Variants in NF1 observed in about 807,000 individuals in gnomAD.
NF1 encodes neurofibromin 1, also known as neurofibromin.
Under a neutral mutation model 325.7 loss-of-function variants are expected in NF1, and 122 were observed. That is an observed-to-expected ratio of 0.37 (90% CI 0.32 to 0.44). NF1 has a LOEUF of 0.44. Ranked by LOEUF, NF1 falls within the 20% of genes least tolerant of loss-of-function variation. NF1 has a pLI of 1.00. For synonymous variants in NF1, 1,091 were observed against 1,186.0 expected (o/e 0.92, Z 1.65); for missense variants, 2,140 against 3,415.4 (o/e 0.63, Z 9.31).
In NF1 at chr17:31,336,297, G is replaced by A. The variant is rs2151553004; in HGVS notation, c.6007-36G>A. 1 of 1,606,526 alleles carries A rather than the reference G, an allele frequency of 6.2e-7. No homozygotes were observed. The highest frequency in any genetic ancestry group is 1.1e-5 in the South Asian group (1 of 90,716). ...TTTAATTAAAAATTAAATTGGTAGAGTGATTAAAAACATGTTATTTTCCTT... is the reference window on the plus strand; with the variant it reads ...TTTAATTAAAAATTAAATTGGTAGAATGATTAAAAACATGTTATTTTCCTT... On this transcript the variant is annotated intron_variant, in intron 40 of 57. Transcript: ENST00000358273. This position sits in a 1 kb window ranked among gnomAD's most constrained non-coding sequence, Gnocchi z 5.5.
At chr17:31,249,381 T>A (rs1056959817) in intron 30 of NF1, among the ~76,000 whole-genome samples, 6 of 152,212 alleles carry the variant, frequency 3.9e-5, no homozygotes, top group Non-Finnish European at 7.3e-5. Flanking sequence ...AGTGAATCCA[T>A]TGGGTATGAT....
chr17:31,270,116 AGTGTGTGTGTGCACCTGCACAT>A (rs1567867049), intron 36 of NF1, among the ~76,000 whole-genome samples: 1 of 152,204 alleles, frequency 6.6e-6, no homozygotes, highest in Non-Finnish European at 1.5e-5. Flanking sequence ...GGTACACGAC[AGTGTGTGTGTGCACCTGCACAT>A]GTGTATGTGT....
intron 48 of NF1, among the ~76,000 whole-genome samples, chr17:31,347,503 A>C (rs990164100): frequency 1.3e-5 from 2 of 152,058 alleles, no homozygotes; most frequent in Non-Finnish European, 2.9e-5. Context: ...TTGTTAAAAG[A>C]TTTGCCTGGT....
chr17:31,181,615 T>C lies in NF1; in HGVS notation c.655-95T>C, dbSNP rs1241971593. 3 of 1,268,466 alleles carry C rather than the reference T, an allele frequency of 2.4e-6. No individual in the cohort carries two copies. The East Asian group carries it at 6.9e-5, about 29-fold the overall frequency. The allele number at this position is 1,268,466 out of a possible 1,614,324, so 78.6% of individuals were successfully genotyped here. ...ACATTCATTTTCAGGAAGAATACAT[T>C]GTAATATTATTATGAAGGAAGTTAG... On this transcript the variant is annotated intron_variant, in intron 6 of 57. Coordinates refer to ENST00000358273, the MANE Select transcript of NF1 (RefSeq NM_001042492.3).
At chr17:31,304,786 C>T in intron 36 of NF1, 5 of 1,613,978 alleles carry the variant, frequency 3.1e-6, no homozygotes, top group Non-Finnish European at 4.2e-6. Flanking sequence ...GCTTGGTTTC[C>T]AGGGTGTAAG....
intron 36 of NF1, among the ~76,000 whole-genome samples, chr17:31,285,579 G>A (rs1478864450): frequency 6.6e-6 from 1 of 152,058 alleles, no homozygotes; most frequent in East Asian, 1.9e-4. Flanking sequence ...TGGACATGGG[G>A]GCTCACACTT....
intron 57 of NF1, among the ~76,000 whole-genome samples, chr17:31,372,627 C>G (rs17886778): frequency 1.3e-5 from 2 of 152,098 alleles, no homozygotes; most frequent in Admixed American, 6.6e-5. Context: ...AGTCCTGTTA[C>G]CCAATTTGTA....
chr17:31,128,778 C>A (rs1915095762), intron 1 of NF1, among the ~76,000 whole-genome samples: 1 of 151,972 alleles, frequency 6.6e-6, no homozygotes, highest in Non-Finnish European at 1.5e-5. Context: ...AAAAATTAGC[C>A]AAGCATGGTA....
intron 36 of NF1, chr17:31,318,452 G>A: frequency 1.2e-6 from 2 of 1,613,994 alleles, no homozygotes. Context: ...GCGGGCCATA[G>A]ACCGCTTGCC....
chr17:31,295,561 T>A (rs1265985775), intron 36 of NF1: 26 of 1,614,142 alleles, frequency 1.6e-5, no homozygotes, highest in Non-Finnish European at 2.2e-5. Context: ...AAGATGATAT[T>A]TGGGTAGAAC....
At chr17:31,247,384 A>G (rs899532304) in intron 29 of NF1, among the ~76,000 whole-genome samples, 5 of 152,150 alleles carry the variant, frequency 3.3e-5, no homozygotes, top group Admixed American at 3.3e-4. Context: ...TGATTTTTAG[A>G]TACCAGTGGG....
chr17:31,248,250 T>C (rs1195714173), intron 29 of NF1, among the ~76,000 whole-genome samples: 2 of 129,614 alleles, frequency 1.5e-5, no homozygotes, highest in East Asian at 2.6e-4. Flanking sequence ...ATCATTCATA[T>C]GTGTGTGTTA....
At chr17:31,290,151 C>T (rs141450151) in intron 36 of NF1, among the ~76,000 whole-genome samples, 1 of 152,188 alleles carries the variant, frequency 6.6e-6, no homozygotes, top group Non-Finnish European at 1.5e-5. Context: ...ATATTTTTAT[C>T]AGGCTGGTTG....
At chr17:31,205,553 C>G (rs1308326414) in intron 11 of NF1, among the ~76,000 whole-genome samples, 1 of 151,996 alleles carries the variant, frequency 6.6e-6, no homozygotes, top group Non-Finnish European at 1.5e-5. Flanking sequence ...AAAAACTAGA[C>G]ATCAGAGTTA....
intron 8 of NF1, among the ~76,000 whole-genome samples, chr17:31,195,531 C>T (rs2066420458): frequency 6.6e-6 from 1 of 152,048 alleles, no homozygotes; most frequent in African/African-American, 2.4e-5. Flanking sequence ...AACAGCTCTC[C>T]GTTCTTCCCT....
intron 1 of NF1, 124 bp downstream of exon 1, chr17:31,095,493 G>A: frequency 1.1e-6 from 1 of 898,008 alleles, no homozygotes; most frequent in Non-Finnish European, 1.6e-6. Flanking sequence ...AGGAAGGGAA[G>A]GGAAGAGAAG....
chr17:31,111,215 G>GA (rs572424324), intron 1 of NF1, among the ~76,000 whole-genome samples: 279 of 135,186 alleles, frequency 2.1e-3, no homozygotes, highest in Middle Eastern at 7.4e-3. Context: ...TAAAAGCACA[G>GA]AAAAAAAAAA....
At position 31,258,969 on chromosome 17, in the gene NF1, CTT is replaced by C. The variant is rs1237409043; in HGVS notation, c.4333-62_4333-61del. 5.5e-6 allele frequency: 6 copies of C among 1,085,764 alleles called. No individual in the cohort carries two copies. In the African/African-American group the frequency reaches 9.4e-5, roughly 17 times the overall value. 67.3% of individuals were successfully genotyped at this position (1,085,764 alleles called of 1,614,324 possible). A position where few individuals can be genotyped will look rare whatever the true frequency, so the allele number is the denominator to read the frequency against. ...GAAAATTCATGTTTTTAAAGAATGT[CTT>C]AATGTATAGACTTCATACAATAAAT... is the stretch of plus-strand genomic sequence containing the variant. On this transcript the variant is annotated intron_variant, in intron 32 of 57. Transcript: ENST00000358273.
intron 57 of NF1, chr17:31,362,443 C>A: frequency 2.9e-6 from 2 of 690,536 alleles, no homozygotes; most frequent in Non-Finnish European, 3.6e-6. Flanking sequence ...CTGCTTTATA[C>A]AGTTCTTATC....
Sources: gnomAD v4.1 joint callset for allele counts (sites outside exome capture counted in the v4.1 genomes callset) on GRCh38, gnomAD v4.1.1 for gene constraint, Gnocchi (gnomAD v3.1) non-coding constraint, MANE v1.5 for transcripts, NCBI Gene and HGNC (gene_info 2026-07-23, HGNC 2026-07-21) for gene names.